Variants in ELMO1 observed in about 807,000 individuals in gnomAD.
The protein encoded by ELMO1 is engulfment and cell motility protein 1.
ELMO1 carries 26 observed loss-of-function variants against 98.9 expected under a neutral mutation model. The observed-to-expected ratio is 0.26, with a 90% CI of 0.19 to 0.36. The LOEUF (loss-of-function observed/expected upper bound fraction) is 0.36, where lower values mean the gene tolerates loss of function less well. Ranked by LOEUF, ELMO1 falls within the 10% of genes least tolerant of loss-of-function variation. The probability of loss-of-function intolerance (pLI) is 1.00; values close to 1 mark genes in which losing one functional copy is unlikely to be tolerated. For synonymous variants in ELMO1, 346 were observed against 346.0 expected, an observed-to-expected ratio of 1.00 and a Z score of 0.00; for missense variants, 627 against 935.2, an observed-to-expected ratio of 0.67 and a Z score of 4.30.
At chr7:36,925,115 G>A (rs1259064347) in intron 16 of ELMO1, among the ~76,000 whole-genome samples, 1 of 152,132 alleles carries the variant, frequency 6.6e-6, no homozygotes, top group African/African-American at 2.4e-5. Flanking sequence ...AATGCCCACA[G>A]TGCTGTGGCT....
chr7:36,972,154 GTAT>G (rs1790021931), intron 16 of ELMO1, among the ~76,000 whole-genome samples: 1 of 152,138 alleles, frequency 6.6e-6, no homozygotes. Context: ...TAAGAAGCAG[GTAT>G]TATTATTCTA....
intron 16 of ELMO1, among the ~76,000 whole-genome samples, chr7:36,930,377 T>C (rs1241173696): frequency 6.6e-6 from 1 of 152,252 alleles, no homozygotes; most frequent in African/African-American, 2.4e-5. Context: ...GATGTGCCTT[T>C]TTAAGATAAA....
At chr7:36,918,734 G>A (rs775475042) in intron 16 of ELMO1, among the ~76,000 whole-genome samples, 27 of 152,142 alleles carry the variant, frequency 1.8e-4, no homozygotes, top group African/African-American at 4.6e-4. Context: ...TAAATAAAGC[G>A]TCACCAAACT....
intron 1 of ELMO1, among the ~76,000 whole-genome samples, chr7:37,427,390 T>G (rs1380417401): frequency 6.6e-6 from 1 of 152,260 alleles, no homozygotes; most frequent in African/African-American, 2.4e-5. Context: ...CTTGCAGCTC[T>G]GCATGGAAGA....
chr7:37,193,146 C>G (rs1791741276), intron 13 of ELMO1, among the ~76,000 whole-genome samples: 1 of 151,668 alleles, frequency 6.6e-6, no homozygotes, highest in African/African-American at 2.4e-5. Context: ...ATAATTACCC[C>G]TTCGCTGGGT....
intron 1 of ELMO1, among the ~76,000 whole-genome samples, chr7:37,356,472 G>A (rs1229468778): frequency 1.3e-5 from 2 of 152,048 alleles, no homozygotes; most frequent in Non-Finnish European, 2.9e-5. Context: ...TCCTTTACAG[G>A]GACATGGATG....
chr7:37,208,481 T>C (rs928907860), intron 13 of ELMO1, among the ~76,000 whole-genome samples: 2 of 152,264 alleles, frequency 1.3e-5, no homozygotes, highest in Non-Finnish European at 2.9e-5. Flanking sequence ...ATCCAAAAGA[T>C]GATCCAAACC....
intron 13 of ELMO1, among the ~76,000 whole-genome samples, chr7:37,167,975 C>A (rs1234117917): frequency 3.9e-5 from 6 of 152,100 alleles, no homozygotes; most frequent in Non-Finnish European, 7.4e-5. Flanking sequence ...TTCAGGTACA[C>A]CAATCAGACG....
At chr7:37,377,996 GTT>G (rs1802423621) in intron 1 of ELMO1, among the ~76,000 whole-genome samples, 1 of 152,226 alleles carries the variant, frequency 6.6e-6, no homozygotes, top group South Asian at 2.1e-4. Flanking sequence ...TCTATTGACA[GTT>G]AATGCACAGC....
At chr7:36,921,524 T>G (rs750327023) in intron 16 of ELMO1, among the ~76,000 whole-genome samples, 11 of 152,168 alleles carry the variant, frequency 7.2e-5, no homozygotes, top group Non-Finnish European at 1.6e-4. Flanking sequence ...ATGTTATTAT[T>G]ATTGCTATTA....
intron 1 of ELMO1, among the ~76,000 whole-genome samples, chr7:37,344,053 A>G (rs1211651649): frequency 4.8e-5 from 2 of 41,464 alleles, no homozygotes; most frequent in African/African-American, 1.0e-4. Context: ...TTTTTTTGAG[A>G]CAGAGTCTCC....
intron 14 of ELMO1, among the ~76,000 whole-genome samples, chr7:37,108,268 C>A (rs558085159): frequency 6.6e-6 from 1 of 152,254 alleles, no homozygotes; most frequent in African/African-American, 2.4e-5. Flanking sequence ...TACAGCTCTC[C>A]TACCAGGCTA....
At chr7:37,434,471 G>A (rs1324974768) in intron 1 of ELMO1, among the ~76,000 whole-genome samples, 2 of 152,210 alleles carry the variant, frequency 1.3e-5, no homozygotes, top group African/African-American at 4.8e-5. Flanking sequence ...GAAGACACTA[G>A]TGGCTAAATT....
At chr7:36,866,392 C>G (rs1225232375) in intron 20 of ELMO1, among the ~76,000 whole-genome samples, 2 of 152,202 alleles carry the variant, frequency 1.3e-5, no homozygotes, top group Non-Finnish European at 2.9e-5. Flanking sequence ...ATAACAGACT[C>G]TAAGCTCCAG....
At chr7:37,382,624 C>T (rs1174942438) in intron 1 of ELMO1, among the ~76,000 whole-genome samples, 2 of 152,162 alleles carry the variant, frequency 1.3e-5, no homozygotes, top group Non-Finnish European at 2.9e-5. Context: ...TGGACCTGCA[C>T]AAACAAACCT....
At chr7:36,969,348 G>C (rs1789717391) in intron 16 of ELMO1, among the ~76,000 whole-genome samples, 1 of 152,102 alleles carries the variant, frequency 6.6e-6, no homozygotes, top group African/African-American at 2.4e-5. Flanking sequence ...ATGAATGTCA[G>C]TCCAGCTATA....
intron 2 of ELMO1, among the ~76,000 whole-genome samples, chr7:37,321,734 A>AAAAAAAAAAC (rs1323727577): frequency 4.0e-5 from 6 of 148,564 alleles, no homozygotes; most frequent in Non-Finnish European, 8.9e-5. Flanking sequence ...AAAAAAAAAA[A>AAAAAAAAAAC]AAAACACAGA....
chr7:37,199,330 C>T (rs79540481), intron 13 of ELMO1, among the ~76,000 whole-genome samples: 2,955 of 152,118 alleles, frequency 0.019, 42 homozygotes, highest in Non-Finnish European at 0.031. Context: ...AATATGAAAA[C>T]GGGCTGAACA....
intron 1 of ELMO1, among the ~76,000 whole-genome samples, chr7:37,448,068 C>G (rs2131606848): frequency 6.6e-6 from 1 of 152,186 alleles, no homozygotes; most frequent in African/African-American, 2.4e-5. Flanking sequence ...CTCAGGGGCT[C>G]CCGGCTGCCC....
Sources: allele counts gnomAD v4.1 joint callset (sites outside exome capture counted in the v4.1 genomes callset), GRCh38; gene constraint gnomAD v4.1.1; transcripts MANE v1.5; gene names NCBI Gene and HGNC (gene_info 2026-07-23, HGNC 2026-07-21).